INO80: variants seen among roughly 807,000 people sequenced by gnomAD.
INO80 encodes chromatin-remodeling ATPase INO80.
In INO80, 20 loss-of-function variants were observed where a neutral mutation model predicts 203.4. The ratio of observed to expected loss-of-function variants is 0.10; its 90% CI spans 0.07 to 0.14. The LOEUF (loss-of-function observed/expected upper bound fraction) is 0.14, where lower values mean the gene tolerates loss of function less well. INO80 is among the 10% of genes least tolerant of loss of function. The pLI is 1.00. For missense variants in INO80, 1,419 were observed against 1,914.4 expected, an observed-to-expected ratio of 0.74 and a Z score of 4.83; for synonymous variants, 726 against 685.2, an observed-to-expected ratio of 1.06 and a Z score of -0.93.
intron 24 of INO80, among the ~76,000 whole-genome samples, chr15:41,041,155 C>A (rs1265750480): frequency 6.6e-6 from 1 of 152,184 alleles, no homozygotes; most frequent in Non-Finnish European, 1.5e-5. Context: ...TAGCCTCAAC[C>A]TCCTGGGCTC....
chr15:41,021,951 G>T lies in INO80; in HGVS notation c.3049-826C>A, dbSNP rs567390052. Among the ~76,000 whole-genome samples the T allele has an allele frequency of 2.7e-3, 409 of 152,344 alleles. 3 individuals carry two copies. The highest frequency in any genetic ancestry group is 0.013 in the South Asian group (62 of 4,830). On this transcript the variant is annotated intron_variant, in intron 25 of 35. Transcript: ENST00000648947. The stretch of plus-strand genomic sequence containing the variant: ...TATTCAGATACCTGTGAAGTCAACT[G>T]GTAAGGAACTTGAAGATGACAAGGC...
chr15:41,000,321 A>AG (rs2043942012), intron 28 of INO80, among the ~76,000 whole-genome samples: 1 of 152,110 alleles, frequency 6.6e-6, no homozygotes, highest in South Asian at 2.1e-4. Flanking sequence ...GAATGGGTAC[A>AG]GGGTGGGAGT....
chr15:41,062,079 A>G (rs913414379), intron 14 of INO80, among the ~76,000 whole-genome samples: 3 of 152,192 alleles, frequency 2.0e-5, no homozygotes, highest in African/African-American at 7.2e-5. Context: ...AAAATTGAAT[A>G]TACAATATGA....
intron 4 of INO80, among the ~76,000 whole-genome samples, chr15:41,093,330 C>G (rs1180593380): frequency 1.3e-5 from 2 of 151,944 alleles, no homozygotes; most frequent in African/African-American, 4.8e-5. Flanking sequence ...GAGGCTGAGA[C>G]AGGAGAATCG....
intron 24 of INO80, among the ~76,000 whole-genome samples, chr15:41,032,855 T>G (rs1178733868): frequency 1.3e-5 from 2 of 151,942 alleles, no homozygotes; most frequent in Non-Finnish European, 2.9e-5. Context: ...CTGGCCAACA[T>G]AATGAAACCC....
In INO80 at chr15:40,985,370, G is replaced by A. The variant is rs746191773; in HGVS notation, c.3889C>T (p.Arg1297Cys). ...GCATACTTTTCCCGCTTCCGCTTGC[G>A]CTCTTTCACTCGGTTGGTTTCCTCC... ...QQEETNRVKE[R>C]KRKREKYAEK... The change falls in exon 32 of 36, where the codon CGC becomes TGC. Residue 1297 changes from arginine (R) to cysteine (C), a missense_variant. Coordinates refer to ENST00000648947, the MANE Select transcript of INO80 (RefSeq NM_017553.3). The A allele has an allele frequency of 1.9e-5, 30 of 1,613,816 alleles. No homozygotes were observed. The highest frequency in any genetic ancestry group is 3.3e-5 in the Admixed American group (2 of 59,994).
intron 5 of INO80, among the ~76,000 whole-genome samples, chr15:41,089,979 A>G (rs951294129): frequency 2.0e-5 from 3 of 152,238 alleles, no homozygotes; most frequent in Non-Finnish European, 2.9e-5. Context: ...ACTGTTAAGT[A>G]TATAATGAAG....
intron 24 of INO80, among the ~76,000 whole-genome samples, chr15:41,044,371 A>G (rs921467968): frequency 2.0e-5 from 3 of 152,264 alleles, no homozygotes; most frequent in Non-Finnish European, 2.9e-5. Flanking sequence ...ATAGCCATAA[A>G]AAAAGAATGC....
At chr15:41,076,380 A>C (rs897274188) in intron 9 of INO80, among the ~76,000 whole-genome samples, 18 of 151,858 alleles carry the variant, frequency 1.2e-4, no homozygotes, top group Admixed American at 1.1e-3. Flanking sequence ...AAAACAAAAC[A>C]AAACCCAACA....
chr15:41,031,538 GGAAGGGA>G, intron 24 of INO80, among the ~76,000 whole-genome samples: 2 of 25,260 alleles, frequency 7.9e-5, no homozygotes, highest in Non-Finnish European at 1.1e-4. Context: ...GGAGAAGGGA[GGAAGGGA>G]GGAGGGAGGA....
At chr15:41,061,752 A>C (rs2045114192) in intron 14 of INO80, among the ~76,000 whole-genome samples, 1 of 152,202 alleles carries the variant, frequency 6.6e-6, no homozygotes, top group African/African-American at 2.4e-5. Context: ...AATCAAAGCG[A>C]ATTTTTAGAA....
chr15:41,054,224 T>C (rs1015189403), intron 18 of INO80, among the ~76,000 whole-genome samples: 5 of 152,220 alleles, frequency 3.3e-5, no homozygotes, highest in Non-Finnish European at 1.5e-5. Flanking sequence ...ATAAATATAC[T>C]AGGCTCTATT....
At chr15:41,016,503 G>A (rs1281223058) in intron 26 of INO80, among the ~76,000 whole-genome samples, 2 of 152,314 alleles carry the variant, frequency 1.3e-5, no homozygotes, top group South Asian at 2.1e-4. Context: ...TCCTTACTCA[G>A]AGGACACCAG....
intron 24 of INO80, among the ~76,000 whole-genome samples, chr15:41,030,922 G>A (rs1286343366): frequency 2.0e-5 from 3 of 148,878 alleles, no homozygotes; most frequent in Non-Finnish European, 4.5e-5. Context: ...CGTCCACCTT[G>A]GCCTCCCAAA....
At chr15:41,049,886 C>G in intron 20 of INO80, 49 bp downstream of exon 20, 1 of 1,542,116 alleles carries the variant, frequency 6.5e-7, no homozygotes, top group Non-Finnish European at 8.9e-7. Flanking sequence ...ACAATTCTAT[C>G]TCAAAAAACA....
At chr15:41,092,969 A>G (rs544042605) in intron 4 of INO80, among the ~76,000 whole-genome samples, 1 of 152,286 alleles carries the variant, frequency 6.6e-6, no homozygotes, top group South Asian at 2.1e-4. Flanking sequence ...CAGGAGTTCA[A>G]GGGTGCAGTG....
intron 28 of INO80, among the ~76,000 whole-genome samples, chr15:41,000,014 T>C (rs554947601): frequency 5.9e-5 from 9 of 152,054 alleles, no homozygotes; most frequent in African/African-American, 1.9e-4. Flanking sequence ...AGCAGGATCA[T>C]TTGAGCCCGA....
At chr15:41,030,725 A>G (rs1340905190) in intron 24 of INO80, among the ~76,000 whole-genome samples, 1 of 151,810 alleles carries the variant, frequency 6.6e-6, no homozygotes, top group East Asian at 1.9e-4. Flanking sequence ...CCCAGGCTGG[A>G]GTACAGTGGT....
At chr15:40,999,386 C>T (rs1321207635) in intron 28 of INO80, 1 of 152,148 alleles carries the variant, frequency 6.6e-6, no homozygotes, top group African/African-American at 2.4e-5. Context: ...CAATGTCAAA[C>T]ATAAGTATCG....
Sources: gnomAD v4.1 joint callset for allele counts (sites outside exome capture counted in the v4.1 genomes callset) on GRCh38, gnomAD v4.1.1 for gene constraint, MANE v1.5 for transcripts, NCBI Gene and HGNC (gene_info 2026-07-23, HGNC 2026-07-21) for gene names.